HMCN1: variants seen among roughly 807,000 people sequenced by gnomAD.
The protein encoded by HMCN1 is hemicentin-1.
A neutral mutation model predicts 625.9 loss-of-function variants in HMCN1; 321 were observed. The observed-to-expected ratio is 0.51, with a 90% CI of 0.47 to 0.56. HMCN1 has a LOEUF of 0.56. HMCN1 is among the 20% of genes least tolerant of loss of function. HMCN1 has a pLI of 0.00. For missense variants in HMCN1, 6,588 were observed against 6,887.3 expected, an observed-to-expected ratio of 0.96 and a Z score of 1.54; for synonymous variants, 2,425 against 2,417.6, an observed-to-expected ratio of 1.00 and a Z score of -0.09.
rs150126136 is a variant in HMCN1, at chr1:186,126,790, A to G, written c.12690+996A>G. On this transcript the variant is annotated intron_variant, in intron 82 of 106. Transcript: ENST00000271588. ...TCGGGTCTTACAGGTCATTGTAACA[A>G]TTTTACCTTTTACTCTAAGTCAGAA... Among the ~76,000 whole-genome samples the G allele has an allele frequency of 2.0e-3, 302 of 152,234 alleles. 1 individual carries two copies. The highest frequency in any genetic ancestry group is 6.8e-3 in the African/African-American group (281 of 41,552).
intron 48 of HMCN1, among the ~76,000 whole-genome samples, chr1:186,063,096 A>ATATATATATGTATATATATATG (rs1185102259): frequency 1.7e-5 from 2 of 115,424 alleles, no homozygotes; most frequent in East Asian, 5.2e-4. Flanking sequence ...ATATATATAT[A>ATATATATATGTATATATATATG]TATATATCAC....
intron 46 of HMCN1, among the ~76,000 whole-genome samples, chr1:186,060,014 C>A (rs144657487): frequency 6.6e-6 from 1 of 152,030 alleles, no homozygotes; most frequent in East Asian, 1.9e-4. Flanking sequence ...GTGCTTGAAT[C>A]CTTCCCTAAT....
chr1:186,070,577 C>T (rs763462294), intron 51 of HMCN1, 35 bp from the exon 52 acceptor site: 27 of 1,574,508 alleles, frequency 1.7e-5, no homozygotes, highest in East Asian at 2.2e-5. Flanking sequence ...TTGAAAATAA[C>T]CAATGTCTAA....
At chr1:186,086,813 ATGATAGATAGAT>A (rs1210273226) in intron 58 of HMCN1, among the ~76,000 whole-genome samples, 1 of 22,154 alleles carries the variant, frequency 4.5e-5, no homozygotes, top group Non-Finnish European at 6.7e-5. Context: ...AGATAGATAG[ATGATAGATAGAT>A]AGATAGATAG....
At chr1:186,155,571 C>G (rs1400964143) in intron 97 of HMCN1, among the ~76,000 whole-genome samples, 1 of 151,970 alleles carries the variant, frequency 6.6e-6, no homozygotes, top group African/African-American at 2.4e-5. Flanking sequence ...AAGTCATGTT[C>G]ACTTTCTACC....
intron 52 of HMCN1, among the ~76,000 whole-genome samples, chr1:186,072,792 A>G (rs1658555364): frequency 6.6e-6 from 1 of 152,200 alleles, no homozygotes; most frequent in Admixed American, 6.5e-5. Context: ...AGAAAATGTG[A>G]GCAGAAGACT....
At chr1:185,960,861 C>T (rs1487080406) in intron 11 of HMCN1, among the ~76,000 whole-genome samples, 1 of 152,148 alleles carries the variant, frequency 6.6e-6, no homozygotes, top group Non-Finnish European at 1.5e-5. Context: ...TCCCACTTAT[C>T]CCCTGAAGAT....
At chr1:185,953,298 A>G (rs1649372480) in intron 11 of HMCN1, among the ~76,000 whole-genome samples, 1 of 151,830 alleles carries the variant, frequency 6.6e-6, no homozygotes, top group Admixed American at 6.6e-5. Context: ...GAAAAGCAAG[A>G]CTTGCTGCTA....
chr1:185,933,187 A>G (rs986519900), intron 10 of HMCN1, among the ~76,000 whole-genome samples: 2 of 152,134 alleles, frequency 1.3e-5, no homozygotes, highest in Admixed American at 6.6e-5. Flanking sequence ...CGCTAAATAC[A>G]TATTTTTAAA....
intron 15 of HMCN1, among the ~76,000 whole-genome samples, chr1:185,973,723 A>G (rs985859384): frequency 2.7e-4 from 41 of 152,184 alleles, no homozygotes; most frequent in Non-Finnish European, 5.4e-4. Context: ...AAAGTTACCA[A>G]TGATTTTTAT....
chr1:186,074,697 T>A, intron 52 of HMCN1, 44 bp from the exon 53 acceptor site: 1 of 1,583,022 alleles, frequency 6.3e-7, no homozygotes, highest in Non-Finnish European at 8.7e-7. Context: ...CTTAGAGGAT[T>A]CATTATAGCA....
intron 1 of HMCN1, among the ~76,000 whole-genome samples, chr1:185,814,140 C>T (rs1659699640): frequency 6.6e-6 from 1 of 152,122 alleles, no homozygotes; most frequent in African/African-American, 2.4e-5. Context: ...AAGAGAGATA[C>T]AGAACCTAAC....
chr1:186,156,956 A>G (rs1651065800), intron 97 of HMCN1, among the ~76,000 whole-genome samples: 1 of 152,146 alleles, frequency 6.6e-6, no homozygotes, highest in Admixed American at 6.5e-5. Context: ...TATGAGCCAA[A>G]CCTGGGTTGC....
At chr1:185,756,857 A>G (rs180755230) in intron 1 of HMCN1, among the ~76,000 whole-genome samples, 1 of 151,194 alleles carries the variant, frequency 6.6e-6, no homozygotes, top group African/African-American at 2.4e-5. Flanking sequence ...TTTTACTTCT[A>G]TGATAACTTT....
intron 4 of HMCN1, among the ~76,000 whole-genome samples, chr1:185,888,958 A>G (rs1664861795): frequency 6.8e-6 from 1 of 147,410 alleles, no homozygotes; most frequent in Non-Finnish European, 1.5e-5. Context: ...ATGTTCTTCC[A>G]TTTGTTTGTG....
At chr1:186,086,627 G>A (rs1659487015) in intron 58 of HMCN1, among the ~76,000 whole-genome samples, 1 of 152,066 alleles carries the variant, frequency 6.6e-6, no homozygotes, top group Admixed American at 6.6e-5. Context: ...TTCAAGAAAT[G>A]ATAAAATTTA....
intron 37 of HMCN1, 82 bp from the exon 38 acceptor site, chr1:186,038,741 AAGTAAT>A (rs1248184107): frequency 3.9e-6 from 3 of 777,856 alleles, no homozygotes; most frequent in African/African-American, 1.7e-5. Context: ...TATAAGAATA[AAGTAAT>A]AGTGACTTAG....
chr1:186,141,745 C>A (rs1571410593), intron 89 of HMCN1, among the ~76,000 whole-genome samples: 1 of 152,296 alleles, frequency 6.6e-6, no homozygotes, highest in East Asian at 1.9e-4. Context: ...CTCACCTCAA[C>A]TCTAATAAAT....
chr1:186,176,752 G>A (rs1186390484), intron 103 of HMCN1: 1 of 150,264 alleles, frequency 6.7e-6, no homozygotes, highest in Non-Finnish European at 1.5e-5. Flanking sequence ...ACATAAAACA[G>A]AGAAACATAA....
Sources: gnomAD v4.1 joint callset for allele counts (sites outside exome capture counted in the v4.1 genomes callset) on GRCh38, gnomAD v4.1.1 for gene constraint, MANE v1.5 for transcripts, NCBI Gene and HGNC (gene_info 2026-07-23, HGNC 2026-07-21) for gene names.